PDPK1: variants seen among roughly 807,000 people sequenced by gnomAD.
The protein encoded by PDPK1 is 3-phosphoinositide dependent protein kinase 1, also known as 3-phosphoinositide-dependent protein kinase 1.
PDPK1 carries 7 observed loss-of-function variants against 39.8 expected under a neutral mutation model. That is an observed-to-expected ratio of 0.18 (90% CI 0.10 to 0.33). The LOEUF (loss-of-function observed/expected upper bound fraction) is 0.33. Ranked by LOEUF, PDPK1 falls within the 10% of genes least tolerant of loss-of-function variation. The probability of loss-of-function intolerance (pLI) is 1.00; values close to 1 mark genes in which losing one functional copy is unlikely to be tolerated. For synonymous variants in PDPK1, 118 were observed against 159.1 expected (o/e 0.74, Z 1.95); for missense variants, 182 against 384.7 (o/e 0.47, Z 4.41).
At position 2,538,033 on chromosome 16, in the gene PDPK1, C is replaced by G. The variant is rs1280251781; in HGVS notation, c.-80C>G. 6.5e-5 allele frequency: 41 copies of G among 627,144 alleles called. 1 individual carries two copies. Among genetic ancestry groups the G allele is most frequent in the Non-Finnish European group, 7.9e-5 (39 of 494,982 alleles). The allele number at this position is 627,144 out of a possible 1,614,324, so 38.8% of individuals were successfully genotyped here. A position where few individuals can be genotyped will look rare whatever the true frequency, so the allele number is the denominator to read the frequency against. On this transcript the variant is annotated 5_prime_UTR_variant, in exon 1 of 14. Coordinates refer to ENST00000342085, the MANE Select transcript of PDPK1 (RefSeq NM_002613.5). ...GATGAGGGCGGCCATTGCTGGGGCT[C>G]CGCTTCGGGGAGGAGGACGCTGAGG...
At chr16:2,544,118 A>G (rs2066291475) in intron 1 of PDPK1, among the ~76,000 whole-genome samples, 1 of 152,152 alleles carries the variant, frequency 6.6e-6, no homozygotes, top group Non-Finnish European at 1.5e-5. Flanking sequence ...TTGTTTTTCT[A>G]ATATTTTCTA....
chr16:2,559,495 C>T (rs2141965495), intron 2 of PDPK1, among the ~76,000 whole-genome samples: 1 of 150,732 alleles, frequency 6.6e-6, no homozygotes, highest in East Asian at 1.9e-4. Flanking sequence ...CAGGCGTGAG[C>T]CACTGTGCTT....
chr16:2,538,260 CG>C (rs901518936), intron 1 of PDPK1, 124 bp downstream of exon 1: 31 of 373,006 alleles, frequency 8.3e-5, no homozygotes, highest in Non-Finnish European at 2.6e-5. Flanking sequence ...TACCTGCAGC[CG>C]GGCGGCCGGG....
intron 1 of PDPK1, among the ~76,000 whole-genome samples, chr16:2,543,425 AGG>A (rs1447378576): frequency 2.1e-5 from 2 of 94,048 alleles, no homozygotes; most frequent in African/African-American, 4.5e-5. Context: ...TTTTCTGGTG[AGG>A]GAGGGCTCCA....
intron 4 of PDPK1, chr16:2,562,490 CCTGCTCCCACTCTCAGCACCATCCTG>C (rs1382327705): frequency 2.2e-5 from 3 of 136,726 alleles, no homozygotes; most frequent in African/African-American, 5.4e-5. Flanking sequence ...TTCGTTCTGG[CCTGCTCCCACTCTCAGCACCATCCTG>C]CAGCTCCTTC....
chr16:2,602,837 T>C lies in PDPK1; in HGVS notation c.*5070T>C. On this transcript the variant is annotated 3_prime_UTR_variant, in exon 14 of 14. Coordinates refer to ENST00000342085, the MANE Select transcript of PDPK1 (RefSeq NM_002613.5). Reference sequence around the variant, plus strand: ...GATACTAGGATATACACTTTTGTATTTTTATTCTTATATAAGGTTATTTGC... The same window carrying C: ...GATACTAGGATATACACTTTTGTATCTTTATTCTTATATAAGGTTATTTGC... 1 of 234,084 alleles carries C rather than the reference T, an allele frequency of 4.3e-6. No homozygotes were observed. The highest frequency in any genetic ancestry group is 8.5e-6 in the Non-Finnish European group (1 of 117,800). The allele number at this position is 234,084 out of a possible 1,614,324, so 14.5% of individuals were successfully genotyped here.
At chr16:2,543,974 A>G (rs1432017477) in intron 1 of PDPK1, among the ~76,000 whole-genome samples, 4 of 148,158 alleles carry the variant, frequency 2.7e-5, no homozygotes, top group African/African-American at 1.0e-4. Flanking sequence ...ACCTCAGGTG[A>G]TCCGCCCACC....
rs775000968 is a variant in PDPK1, at chr16:2,597,800, A to G, written c.*33A>G. On this transcript the variant is annotated 3_prime_UTR_variant, in exon 14 of 14. Transcript: ENST00000342085. The surrounding 1 kb of genome is among the most constrained non-coding windows in gnomAD (Gnocchi z 6.3). The stretch of plus-strand genomic sequence containing the variant: ...TGCGGCCGGGCTGCCCTTCGCTGCC[A>G]GGACACCTGCCCCAGCGCGGCTTGG... 4.3e-5 allele frequency: 62 copies of G among 1,454,176 alleles called. No homozygotes were observed. The highest frequency in any genetic ancestry group is 4.7e-4 in the Middle Eastern group (2 of 4,216). 90.1% of individuals were successfully genotyped at this position (1,454,176 alleles called of 1,614,324 possible).
chr16:2,586,025 G>A (rs545242362), intron 10 of PDPK1, among the ~76,000 whole-genome samples: 3 of 152,336 alleles, frequency 2.0e-5, no homozygotes, highest in East Asian at 1.9e-4. Context: ...TGCCAGGAGC[G>A]TGTTAGTGCA....
rs544409330 is a variant in PDPK1, at chr16:2,601,255, C to T, written c.*3488C>T. ...CCACCTTAGTTGTGTCTTACAGATT[C>T]TGAACAAATCGGTTTCTGATAAGCC... On this transcript the variant is annotated 3_prime_UTR_variant, in exon 14 of 14. Transcript: ENST00000342085. 4.3e-6 allele frequency: 1 copy of T among 234,428 alleles called. No homozygotes were observed. The highest frequency in any genetic ancestry group is 5.6e-5 in the Admixed American group (1 of 17,792). 14.5% of individuals were successfully genotyped at this position (234,428 alleles called of 1,614,324 possible).
rs1299150888 is a variant in PDPK1, at chr16:2,599,869, T to TC, written c.*2104dup. ...CGGCTGGGCTGCTTGGGGAGACTCT[T>TC]CCGTGCGTTCTTCCTCTGGATAGAA... On this transcript the variant is annotated 3_prime_UTR_variant, in exon 14 of 14. Transcript: ENST00000342085. The TC allele has an allele frequency of 4.3e-6, 1 of 233,670 alleles. No individual in the cohort carries two copies. Among genetic ancestry groups the TC allele is most frequent in the African/African-American group, 2.2e-5 (1 of 45,376 alleles). 14.5% of individuals were successfully genotyped at this position (233,670 alleles called of 1,614,324 possible). A position where few individuals can be genotyped will look rare whatever the true frequency, so the allele number is the denominator to read the frequency against.
At position 2,599,743 on chromosome 16, in the gene PDPK1, G is replaced by A. The variant is rs537310185; in HGVS notation, c.*1976G>A. The A allele has an allele frequency of 6.5e-5, 10 of 152,886 alleles. No individual in the cohort carries two copies. The highest frequency in any genetic ancestry group is 7.1e-5 in the Non-Finnish European group (5 of 70,868). The allele number at this position is 152,886 out of a possible 1,614,324, so 9.5% of individuals were successfully genotyped here. On this transcript the variant is annotated 3_prime_UTR_variant, in exon 14 of 14. Transcript: ENST00000342085. ...TCAGCTATTTTACCCATCTCAGAAC[G>A]TCCTGTGTCTCCATGTAGGAGAGTG... is the stretch of plus-strand genomic sequence containing the variant.
rs781060849 is a variant in PDPK1 at position 2,597,290 on chromosome 16, A to G, written c.1554+15A>G. On this transcript the variant is annotated intron_variant, in intron 13 of 13. Transcript: ENST00000342085. The surrounding 1 kb of genome is among the most constrained non-coding windows in gnomAD (Gnocchi z 6.3). ...TTGTCCACACGGTGAGTCTGTTCCCAGGGATTTCTGTGTGCAGGGTAATGG... is the reference window on the plus strand; with the variant it reads ...TTGTCCACACGGTGAGTCTGTTCCCGGGGATTTCTGTGTGCAGGGTAATGG... The G allele has an allele frequency of 6.4e-6, 10 of 1,567,940 alleles. No individual in the cohort carries two copies. The African/African-American group carries it at 1.1e-4, about 17-fold the overall frequency.
chr16:2,603,139 AT>A lies in PDPK1; in HGVS notation c.*5376del, dbSNP rs1190684564. 2.2e-5 allele frequency: 5 copies of A among 223,062 alleles called. No homozygotes were observed. Among genetic ancestry groups the A allele is most frequent in the African/African-American group, 9.0e-5 (4 of 44,434 alleles). 13.8% of individuals were successfully genotyped at this position (223,062 alleles called of 1,614,324 possible). ...TTTAGGTGTAGTTACCAGATGATGA[AT>A]TTTCCTCGTATGGTCAGTAGTCTTG... On this transcript the variant is annotated 3_prime_UTR_variant, in exon 14 of 14. Transcript: ENST00000342085.
intron 11 of PDPK1, among the ~76,000 whole-genome samples, chr16:2,589,490 G>A (rs2066944354): frequency 6.6e-6 from 1 of 152,038 alleles, no homozygotes; most frequent in African/African-American, 2.4e-5. Context: ...GAATTCGAGA[G>A]CAGCCTGGGC....
At chr16:2,588,787 C>T (rs1344343638) in intron 11 of PDPK1, among the ~76,000 whole-genome samples, 1 of 152,062 alleles carries the variant, frequency 6.6e-6, no homozygotes, top group Non-Finnish European at 1.5e-5. Flanking sequence ...CAGTGTGTGG[C>T]CACCAAATCC....
chr16:2,544,641 TGG>T (rs1231763875), intron 1 of PDPK1, among the ~76,000 whole-genome samples: 1 of 152,120 alleles, frequency 6.6e-6, no homozygotes, highest in African/African-American at 2.4e-5. Flanking sequence ...TGGAGTGCAG[TGG>T]CGCGATCTCG....
At chr16:2,538,385 G>C (rs2066176793) in intron 1 of PDPK1, 1 of 380,224 alleles carries the variant, frequency 2.6e-6, no homozygotes, top group Non-Finnish European at 5.1e-6. Context: ...GCGGAGGGCG[G>C]GGGAGGCCGG....
At chr16:2,577,244 G>C (rs1232926302) in intron 6 of PDPK1, 181 bp from the exon 7 acceptor site, 3 of 672,076 alleles carry the variant, frequency 4.5e-6, no homozygotes, top group Non-Finnish European at 8.1e-6. Context: ...CAGGGTGCAG[G>C]GCGCCGGTGT....
Sources: allele counts gnomAD v4.1 joint callset (sites outside exome capture counted in the v4.1 genomes callset), GRCh38; gene constraint gnomAD v4.1.1; non-coding constraint Gnocchi (gnomAD v3.1); transcripts MANE v1.5; gene names NCBI Gene and HGNC (gene_info 2026-07-23, HGNC 2026-07-21).